The following TAB2 variants were observed in gnomAD, a reference collection of about 807,000 sequenced individuals.
TAB2 encodes TGF-beta activated kinase 1 (MAP3K7) binding protein 2, also known as TGF-beta-activated kinase 1 and MAP3K7-binding protein 2.
TAB2 carries 3 observed loss-of-function variants against 65.0 expected under a neutral mutation model. The ratio of observed to expected loss-of-function variants is 0.05; its 90% CI spans 0.02 to 0.12. The LOEUF (loss-of-function observed/expected upper bound fraction) is 0.12, where lower values mean the gene tolerates loss of function less well. Ranked by LOEUF, TAB2 falls within the 10% of genes least tolerant of loss-of-function variation. The pLI, the probability that TAB2 is intolerant of heterozygous loss-of-function variation, is 1.00. For missense variants in TAB2, 623 were observed against 840.3 expected (o/e 0.74, Z 3.20); for synonymous variants, 298 against 285.1 (o/e 1.05, Z -0.46).
At chr6:149,347,935 CA>C (rs773162029) in intron 1 of TAB2, among the ~76,000 whole-genome samples, 11 of 152,036 alleles carry the variant, frequency 7.2e-5, no homozygotes, top group Non-Finnish European at 1.6e-4. Context: ...TCATTGAGGT[CA>C]AAAGGTTTTA....
At chr6:149,343,404 G>C (rs6906384) in intron 1 of TAB2, among the ~76,000 whole-genome samples, 1 of 151,154 alleles carries the variant, frequency 6.6e-6, no homozygotes, top group Non-Finnish European at 1.5e-5. Flanking sequence ...TGAGGGAGTC[G>C]GAGGTTGCAG....
intron 1 of TAB2, among the ~76,000 whole-genome samples, chr6:149,292,362 A>G (rs1778793003): frequency 6.6e-6 from 1 of 152,358 alleles, no homozygotes; most frequent in South Asian, 2.1e-4. Context: ...TAAACAAGTC[A>G]AGATAAAAAG....
intron 3 of TAB2, among the ~76,000 whole-genome samples, chr6:149,384,564 TATG>T (rs1781725406): frequency 1.3e-5 from 2 of 152,310 alleles, no homozygotes; most frequent in Non-Finnish European, 2.9e-5. Flanking sequence ...AGTTTATAGA[TATG>T]AAGAAAATTC....
At chr6:149,347,744 C>T (rs949313445) in intron 1 of TAB2, among the ~76,000 whole-genome samples, 1 of 151,788 alleles carries the variant, frequency 6.6e-6, no homozygotes, top group East Asian at 1.9e-4. Flanking sequence ...AATTTTAAAA[C>T]TTTATGTTAA....
intron 1 of TAB2, among the ~76,000 whole-genome samples, chr6:149,286,917 C>T (rs1012228117): frequency 6.6e-6 from 1 of 151,936 alleles, no homozygotes; most frequent in Admixed American, 6.6e-5. Flanking sequence ...GGAGTTCAAG[C>T]CCAGCCTGGC....
At chr6:149,264,913 C>T (rs368148144) in intron 1 of TAB2, among the ~76,000 whole-genome samples, 43 of 152,210 alleles carry the variant, frequency 2.8e-4, no homozygotes, top group African/African-American at 9.9e-4. Flanking sequence ...GGAAAGACAC[C>T]GTGTGGCCAC....
intron 1 of TAB2, among the ~76,000 whole-genome samples, chr6:149,333,708 AGT>A (rs61004397): frequency 0.054 from 7,773 of 144,622 alleles, 319 homozygotes; most frequent in African/African-American, 0.12. Flanking sequence ...CCAGATCCAT[AGT>A]GTGTGTGTGT....
intron 1 of TAB2, among the ~76,000 whole-genome samples, chr6:149,305,075 T>C (rs1779038032): frequency 1.3e-5 from 2 of 152,214 alleles, no homozygotes; most frequent in Admixed American, 6.5e-5. Flanking sequence ...TGTTTTGTTA[T>C]TGTTATTGTT....
At chr6:149,254,334 C>T (rs1212522902) in intron 1 of TAB2, among the ~76,000 whole-genome samples, 1 of 152,158 alleles carries the variant, frequency 6.6e-6, no homozygotes, top group Non-Finnish European at 1.5e-5. Context: ...TGACCAGCCA[C>T]TGGGTTTTCA....
chr6:149,227,310 T>C (rs1471880180), intron 1 of TAB2, among the ~76,000 whole-genome samples: 2 of 152,200 alleles, frequency 1.3e-5, no homozygotes, highest in African/African-American at 4.8e-5. Flanking sequence ...TAAAATTTAA[T>C]TATCCTAACT....
intron 1 of TAB2, among the ~76,000 whole-genome samples, chr6:149,241,966 C>T (rs1583040396): frequency 1.3e-5 from 2 of 152,140 alleles, no homozygotes; most frequent in Non-Finnish European, 2.9e-5. Flanking sequence ...TTGGCTACTG[C>T]GTTCCCCACT....
At chr6:149,254,022 G>GA (rs1302166479) in intron 1 of TAB2, among the ~76,000 whole-genome samples, 2 of 124,682 alleles carry the variant, frequency 1.6e-5, no homozygotes, top group African/African-American at 6.2e-5. Context: ...AAGAAAGAAA[G>GA]AAAAGAAAGA....
At chr6:149,232,835 T>C (rs1309493812) in intron 1 of TAB2, among the ~76,000 whole-genome samples, 3 of 152,304 alleles carry the variant, frequency 2.0e-5, no homozygotes, top group Middle Eastern at 3.4e-3. Flanking sequence ...TCCTCTACAC[T>C]AAACTGCCTC....
At chr6:149,333,477 T>C (rs1466312403) in intron 1 of TAB2, among the ~76,000 whole-genome samples, 1 of 152,176 alleles carries the variant, frequency 6.6e-6, no homozygotes, top group Admixed American at 6.6e-5. Context: ...CTTGTGCACA[T>C]TTTAAAAGAA....
chr6:149,259,439 T>C (rs373109318), intron 1 of TAB2, among the ~76,000 whole-genome samples: 1 of 151,890 alleles, frequency 6.6e-6, no homozygotes, highest in African/African-American at 2.4e-5. Context: ...CTGAGAAACA[T>C]ATAGATGTTA....
rs545589457 is a variant in TAB2 at position 149,402,535 on chromosome 6, A to G, written c.1939+3351A>G. Among the ~76,000 whole-genome samples, 9 of 149,854 alleles carry G rather than the reference A, an allele frequency of 6.0e-5. No homozygotes were observed. In the East Asian group the frequency reaches 1.8e-3, roughly 29 times the overall value. ...AAGTCCAGAACTGGATGGCTTCATGAGTGAATTCTGTCAAACACTCAAACA... is the reference window on the plus strand; with the variant it reads ...AAGTCCAGAACTGGATGGCTTCATGGGTGAATTCTGTCAAACACTCAAACA... On this transcript the variant is annotated intron_variant, in intron 6 of 6. Transcript: ENST00000637181.
At chr6:149,254,023 A>T (rs867978132) in intron 1 of TAB2, among the ~76,000 whole-genome samples, 1 of 137,252 alleles carries the variant, frequency 7.3e-6, no homozygotes, top group African/African-American at 2.8e-5. Flanking sequence ...AGAAAGAAAG[A>T]AAAGAAAGAA....
At chr6:149,228,640 C>T (rs943873053) in intron 1 of TAB2, among the ~76,000 whole-genome samples, 5 of 152,232 alleles carry the variant, frequency 3.3e-5, no homozygotes, top group African/African-American at 7.2e-5. Flanking sequence ...AGCCCCCTAA[C>T]GATTCAGGCA....
At chr6:149,354,860 G>A (rs902541464) in intron 1 of TAB2, among the ~76,000 whole-genome samples, 1 of 152,128 alleles carries the variant, frequency 6.6e-6, no homozygotes, top group Non-Finnish European at 1.5e-5. Flanking sequence ...TAACAGATAC[G>A]TAAGTAGTTT....
Sources: allele counts gnomAD v4.1 joint callset (sites outside exome capture counted in the v4.1 genomes callset), GRCh38; gene constraint gnomAD v4.1.1; transcripts MANE v1.5; gene names NCBI Gene and HGNC (gene_info 2026-07-23, HGNC 2026-07-21).